The following TRIM28 variants were observed in gnomAD, a reference collection of about 807,000 sequenced individuals.
TRIM28 encodes the protein transcription intermediary factor 1-beta.
Under a neutral mutation model 87.4 loss-of-function variants are expected in TRIM28, and 8 were observed. The observed-to-expected ratio is 0.09, with a 90% confidence interval of 0.05 to 0.17. The LOEUF is 0.17. Ranked by LOEUF, TRIM28 falls within the 10% of genes least tolerant of loss-of-function variation. The pLI, the probability that TRIM28 is intolerant of heterozygous loss-of-function variation, is 1.00. For synonymous variants in TRIM28, 601 were observed against 454.3 expected (o/e 1.32, Z -4.11); for missense variants, 968 against 1,131.8 (o/e 0.86, Z 2.08).
At chr19:58,550,095 T>G in intron 15 of TRIM28, 52 bp from the exon 16 acceptor site, 1 of 1,613,522 alleles carries the variant, frequency 6.2e-7, no homozygotes, top group Non-Finnish European at 8.5e-7. Flanking sequence ...GCCCTCAACC[T>G]GTGCATGTAT....
Position 58,544,632 on chromosome 19 carries a change from T to G in TRIM28, c.-126T>G. The G allele has an allele frequency of 4.0e-6, 1 of 251,430 alleles. No homozygotes were observed. The highest frequency in any genetic ancestry group is 6.2e-6 in the Non-Finnish European group (1 of 160,690). 15.6% of individuals were successfully genotyped at this position (251,430 alleles called of 1,614,324 possible). A position where few individuals can be genotyped will look rare whatever the true frequency, so the allele number is the denominator to read the frequency against. On this transcript the variant is annotated 5_prime_UTR_variant, in exon 1 of 17. Transcript: ENST00000253024. ...GGCGGGCAGCGGCCCAGGAGGCGCG[T>G]GGCGGCGCTCGGCCTCGCGGCGGCG...
rs375773477 is a variant in TRIM28 at position 58,550,364 on chromosome 19, C to T, written c.2332-13C>T. On this transcript the variant is annotated splice_polypyrimidine_tract_variant and intron_variant, in intron 16 of 16. Coordinates refer to ENST00000253024, the MANE Select transcript of TRIM28 (RefSeq NM_005762.3). ...TAGGACCCATTCATCCACTGCATTCCTGCTTGGCCCAGGACAAGGCAGACG... is the reference window on the plus strand; with the variant it reads ...TAGGACCCATTCATCCACTGCATTCTTGCTTGGCCCAGGACAAGGCAGACG... 21 of 1,612,968 alleles carry T rather than the reference C, an allele frequency of 1.3e-5. No individual in the cohort carries two copies. Among genetic ancestry groups the T allele is most frequent in the Non-Finnish European group, 1.8e-5 (21 of 1,179,114 alleles).
At position 58,545,544 on chromosome 19, in the gene TRIM28, C is replaced by A. The variant is rs760412764; in HGVS notation, c.453+7C>A. ...CGCCCAGGATGCGAACCAGGTGCGTCCTATCTCAGCAACCACAAGGAGGTT... is the reference window on the plus strand; with the variant it reads ...CGCCCAGGATGCGAACCAGGTGCGTACTATCTCAGCAACCACAAGGAGGTT... On this transcript the variant is annotated splice_region_variant and intron_variant, in intron 2 of 16. Coordinates refer to ENST00000253024, the MANE Select transcript of TRIM28 (RefSeq NM_005762.3). 1 of 1,603,634 alleles carries A rather than the reference C, an allele frequency of 6.2e-7. No homozygotes were observed. Among genetic ancestry groups the A allele is most frequent in the Non-Finnish European group, 8.5e-7 (1 of 1,172,406 alleles).
At position 58,544,861 on chromosome 19, in the gene TRIM28, C is replaced by A. The variant is rs985280819; in HGVS notation, c.104C>A (p.Ala35Asp). The change falls in exon 1 of 17, where the codon GCC (alanine) becomes GAC (aspartate). Residue 35 changes from alanine to aspartate, a missense_variant. Around this residue, in one of 11 missense-constraint regions of TRIM28, gnomAD observed 208 missense variants for 170.9 expected, o/e 1.22. Coordinates refer to ENST00000253024, the MANE Select transcript of TRIM28 (RefSeq NM_005762.3). ...GCTGGCGGCGAAAAGCGCTCCACCG[C>A]CCCTTCGGCCGCAGCCTCGGCCTCT... The part of the protein sequence containing the change: ...GSAGGEKRST[A>D]PSAAASASAS... 3.8e-6 allele frequency: 5 copies of A among 1,306,190 alleles called. No individual in the cohort carries two copies. The highest frequency in any genetic ancestry group is 4.9e-6 in the Non-Finnish European group (5 of 1,030,132). 80.9% of individuals were successfully genotyped at this position (1,306,190 alleles called of 1,614,324 possible). A position where few individuals can be genotyped will look rare whatever the true frequency, so the allele number is the denominator to read the frequency against.
Position 58,549,153 on chromosome 19 carries a change from C to A in TRIM28, c.1575C>A (p.Gly525=). The change falls in exon 12 of 17, where the codon GGC becomes GGA. Residue 525 remains glycine (G), a synonymous_variant. Coordinates refer to ENST00000253024, the MANE Select transcript of TRIM28 (RefSeq NM_005762.3). The surrounding 1 kb of genome is among the most constrained non-coding windows in gnomAD (Gnocchi z 4.4). ...ACAACCTTATTGTTATTGAACGTGG[C>A]GCTGCCGCTGCAGCTACCGGCCAGC... ...EDYNLIVIER[G]AAAAATGQPG... is the part of the protein sequence containing the mutation. The A allele has an allele frequency of 6.2e-7, 1 of 1,614,072 alleles. No homozygotes were observed. The highest frequency in any genetic ancestry group is 8.5e-7 in the Non-Finnish European group (1 of 1,179,980).
Position 58,549,033 on chromosome 19 carries a change from G to A in TRIM28, c.1455G>A (p.Val485=). 1.9e-6 allele frequency: 3 copies of A among 1,614,076 alleles called. No individual in the cohort carries two copies. Among genetic ancestry groups the A allele is most frequent in the East Asian group, 2.2e-5 (1 of 44,882 alleles). The change falls in exon 12 of 17, where the codon GTG becomes GTA. Residue 485 remains valine, a synonymous_variant. Transcript: ENST00000253024. This position sits in a 1 kb window ranked among gnomAD's most constrained non-coding sequence, Gnocchi z 4.4. ...EGEVSGLMRK[V]PRVSLERLDL... ...AGGTGAGCGGCCTTATGCGCAAGGT[G>A]CCACGAGTGAGCCTTGAACGCCTGG...
At position 58,549,170 on chromosome 19, in the gene TRIM28, C is replaced by T; in HGVS notation, c.1592C>T (p.Thr531Ile). 4 of 1,613,924 alleles carry T rather than the reference C, an allele frequency of 2.5e-6. No homozygotes were observed. Among genetic ancestry groups the T allele is most frequent in the Non-Finnish European group, 3.4e-6 (4 of 1,179,928 alleles). ...GAACGTGGCGCTGCCGCTGCAGCTA[C>T]CGGCCAGCCAGGGACTGCGCCTGCA... Reference protein sequence around the residue: ...VIERGAAAAATGQPGTAPAGT... With the variant: ...VIERGAAAAAIGQPGTAPAGT... The change falls in exon 12 of 17, where the codon ACC becomes ATC. Residue 531 changes from threonine (T) to isoleucine (I), a missense_variant. By Grantham distance (89) the Thr-to-Ile change is moderately conservative. Around this residue, in one of 11 missense-constraint regions of TRIM28, gnomAD observed 164 missense variants for 146.2 expected, o/e 1.12. Transcript: ENST00000253024. This position sits in a 1 kb window ranked among gnomAD's most constrained non-coding sequence, Gnocchi z 4.4.
chr19:58,545,033 AG>A lies in TRIM28; in HGVS notation c.279del (p.Ala95ArgfsTer84). ...CLHSACSACLGPAAPAAANSS... is the reference protein window; with the variant it reads ...CLHSACSACLXPAAPAAANSS... ...TGCACTCGGCCTGTAGTGCCTGCTTAGGGCCCGCGGCCCCCGCCGCCGCCAA... is the reference window on the plus strand; with the variant it reads ...TGCACTCGGCCTGTAGTGCCTGCTTAGGCCCGCGGCCCCCGCCGCCGCCAA... On this transcript the variant is annotated frameshift_variant, in exon 1 of 17. Coordinates refer to ENST00000253024, the MANE Select transcript of TRIM28 (RefSeq NM_005762.3). LOFTEE classifies it high-confidence loss of function. The A allele has an allele frequency of 6.8e-7, 1 of 1,471,634 alleles. No homozygotes were observed. The allele number at this position is 1,471,634 out of a possible 1,614,324, so 91.2% of individuals were successfully genotyped here. A position where few individuals can be genotyped will look rare whatever the true frequency, so the allele number is the denominator to read the frequency against.
In TRIM28 at chr19:58,550,599, C is replaced by CTG; in HGVS notation, c.*48_*49dup. On this transcript the variant is annotated 3_prime_UTR_variant, in exon 17 of 17. Coordinates refer to ENST00000253024, the MANE Select transcript of TRIM28 (RefSeq NM_005762.3). The stretch of plus-strand genomic sequence containing the variant: ...GCCCAGCCTGGCTCTGTTCTCTGTC[C>CTG]TGTCACCCCATCCCCACTCCCCTGG... 6.4e-7 allele frequency: 1 copy of CTG among 1,568,116 alleles called. No individual in the cohort carries two copies. Among genetic ancestry groups the CTG allele is most frequent in the Non-Finnish European group, 8.6e-7 (1 of 1,158,364 alleles).
intron 3 of TRIM28, among the ~76,000 whole-genome samples, chr19:58,546,870 C>T (rs933900709): frequency 4.6e-4 from 70 of 152,256 alleles, no homozygotes; most frequent in Middle Eastern, 3.4e-3. Context: ...CATTTCATCT[C>T]TCCCAGTATG....
chr19:58,544,508 T>G lies in TRIM28; in HGVS notation c.-250T>G, dbSNP rs1284510123. 4 of 152,534 alleles carry G rather than the reference T, an allele frequency of 2.6e-5. No individual in the cohort carries two copies. Among genetic ancestry groups the G allele is most frequent in the African/African-American group, 9.7e-5 (4 of 41,284 alleles). The allele number at this position is 152,534 out of a possible 1,614,324, so 9.4% of individuals were successfully genotyped here. The stretch of plus-strand genomic sequence containing the variant: ...CGGTTGTGCTTGTGCTTGTGGCGCG[T>G]GGTGCGGGTTTCGGCGGCGGCTGAG... On this transcript the variant is annotated 5_prime_UTR_variant, in exon 1 of 17. Transcript: ENST00000253024.
Position 58,548,579 on chromosome 19 carries a change from C to T in TRIM28, c.1310C>T (p.Ser437Phe), listed in dbSNP as rs2053782625. 3.7e-6 allele frequency: 6 copies of T among 1,602,216 alleles called. No individual in the cohort carries two copies. In the South Asian group the frequency reaches 5.5e-5, roughly 15 times the overall value. The change falls in exon 9 of 17, where the codon TCT (serine) becomes TTT (phenylalanine). Residue 437 changes from serine (S) to phenylalanine (F), a missense_variant. Ser to Phe is a radical substitution (Grantham distance 155). Around this residue, in one of 11 missense-constraint regions of TRIM28, gnomAD observed 119 missense variants for 93.6 expected, o/e 1.27. Transcript: ENST00000253024. ...CCAGGGCCCCTGAGCAAGCAGGGCTCTGGCAGCAGCCAGGTGAGCAGGAGA... is the reference window on the plus strand; with the variant it reads ...CCAGGGCCCCTGAGCAAGCAGGGCTTTGGCAGCAGCCAGGTGAGCAGGAGA... ...RAPGPLSKQG[S>F]GSSQPMEVQE...
At position 58,545,411 on chromosome 19, in the gene TRIM28, C is replaced by T. The variant is rs755654909; in HGVS notation, c.341-14C>T. Reference sequence around the variant, plus strand: ...GGAACTTGTAACAGTCTCCCACATCCCTGCTTCTCGAAGTGGTGGACTGTC... The same window carrying T: ...GGAACTTGTAACAGTCTCCCACATCTCTGCTTCTCGAAGTGGTGGACTGTC... On this transcript the variant is annotated splice_polypyrimidine_tract_variant and intron_variant, in intron 1 of 16. Coordinates refer to ENST00000253024, the MANE Select transcript of TRIM28 (RefSeq NM_005762.3). 2.5e-6 allele frequency: 4 copies of T among 1,596,274 alleles called. No individual in the cohort carries two copies. The highest frequency in any genetic ancestry group is 2.2e-5 in the East Asian group (1 of 44,624).
At position 58,545,047 on chromosome 19, in the gene TRIM28, C is replaced by T; in HGVS notation, c.290C>T (p.Pro97Leu). ...AGTGCCTGCTTAGGGCCCGCGGCCCCCGCCGCCGCCAACAGCTCGGGGGAC... is the reference window on the plus strand; with the variant it reads ...AGTGCCTGCTTAGGGCCCGCGGCCCTCGCCGCCGCCAACAGCTCGGGGGAC... ...ACSACLGPAAPAAANSSGDGG... is the reference protein window; with the variant it reads ...ACSACLGPAALAAANSSGDGG... Residue 97 changes from proline (P) to leucine (L), a missense_variant, in exon 1 of 17, where the codon CCC (proline) becomes CTC (leucine). Coordinates refer to ENST00000253024, the MANE Select transcript of TRIM28 (RefSeq NM_005762.3). 1.4e-6 allele frequency: 2 copies of T among 1,459,186 alleles called. No individual in the cohort carries two copies. Among genetic ancestry groups the T allele is most frequent in the Non-Finnish European group, 8.9e-7 (1 of 1,119,400 alleles). The allele number at this position is 1,459,186 out of a possible 1,614,324, so 90.4% of individuals were successfully genotyped here.
chr19:58,547,167 G>A (rs1008499418), intron 3 of TRIM28: 1 of 601,750 alleles, frequency 1.7e-6, no homozygotes, highest in Non-Finnish European at 2.9e-6. Context: ...AGAAAGGGAT[G>A]TGTTTCTCAG....
intron 16 of TRIM28, 24 bp from the exon 17 acceptor site, chr19:58,550,353 C>A: frequency 5.6e-6 from 9 of 1,612,808 alleles, no homozygotes; most frequent in Non-Finnish European, 7.6e-6. Context: ...ACCCATTCAT[C>A]CACTGCATTC....
At chr19:58,548,214 C>T (rs1568661260) in intron 7 of TRIM28, 34 bp downstream of exon 7, 2 of 1,613,452 alleles carry the variant, frequency 1.2e-6, no homozygotes, top group African/African-American at 1.3e-5. Flanking sequence ...TGGTGGGTTC[C>T]AGGCAGGTGG....
At position 58,549,312 on chromosome 19, in the gene TRIM28, C is replaced by A; in HGVS notation, c.1663-19C>A. 1 of 1,571,764 alleles carries A rather than the reference C, an allele frequency of 6.4e-7. No homozygotes were observed. The highest frequency in any genetic ancestry group is 8.7e-7 in the Non-Finnish European group (1 of 1,155,724). ...CCAGGTCTGGACCCTGTTGAACACC[C>A]CTCATCACCACCTTGCAGGAGGAGG... is the stretch of plus-strand genomic sequence containing the variant. On this transcript the variant is annotated intron_variant, in intron 12 of 16. Transcript: ENST00000253024. This position sits in a 1 kb window ranked among gnomAD's most constrained non-coding sequence, Gnocchi z 4.4.
rs1186574768 is a variant in TRIM28 at position 58,549,715 on chromosome 19, A to G, written c.1983-22A>G. ...GCTGTCTGGACAGGATCATGTGCAGACCCTTATTTTCTTCACCCTAGGGAG... is the reference window on the plus strand; with the variant it reads ...GCTGTCTGGACAGGATCATGTGCAGGCCCTTATTTTCTTCACCCTAGGGAG... On this transcript the variant is annotated intron_variant, in intron 13 of 16. Transcript: ENST00000253024. The surrounding 1 kb of genome is among the most constrained non-coding windows in gnomAD (Gnocchi z 4.4). 6.3e-7 allele frequency: 1 copy of G among 1,597,612 alleles called. No individual in the cohort carries two copies. Among genetic ancestry groups the G allele is most frequent in the Admixed American group, 1.7e-5 (1 of 59,314 alleles).
Sources: allele counts gnomAD v4.1 joint callset (sites outside exome capture counted in the v4.1 genomes callset), GRCh38; gene constraint gnomAD v4.1.1; regional missense constraint gnomAD v4.1.1; non-coding constraint Gnocchi (gnomAD v3.1); transcripts MANE v1.5; gene names NCBI Gene and HGNC (gene_info 2026-07-23, HGNC 2026-07-21).